RAD51: variants seen among roughly 807,000 people sequenced by gnomAD.
The protein encoded by RAD51 is RAD51 recombinase.
In RAD51, 14 loss-of-function variants were observed where a neutral mutation model predicts 41.5. That is an observed-to-expected ratio of 0.34 (90% CI 0.22 to 0.53). The LOEUF is 0.53. Ranked by LOEUF, RAD51 falls within the 20% of genes least tolerant of loss-of-function variation. The probability of loss-of-function intolerance (pLI) is 0.95; values close to 1 mark genes in which losing one functional copy is unlikely to be tolerated. For missense variants in RAD51, 234 were observed against 422.0 expected, an observed-to-expected ratio of 0.55 and a Z score of 3.90; for synonymous variants, 136 against 148.6, an observed-to-expected ratio of 0.92 and a Z score of 0.62.
chr15:40,730,068 G>T (rs1896790461), intron 9 of RAD51, 94 bp downstream of exon 9: 2 of 1,513,322 alleles, frequency 1.3e-6, no homozygotes, highest in Non-Finnish European at 1.8e-6. Flanking sequence ...CCCTGTTAAA[G>T]CTACTGTTGT....
At chr15:40,701,025 C>T (rs746709152) in intron 2 of RAD51, 39 bp from the exon 3 acceptor site, 1 of 1,589,328 alleles carries the variant, frequency 6.3e-7, no homozygotes, top group Non-Finnish European at 8.6e-7. Context: ...GATTAGAGAA[C>T]TAAAGCTTAA....
intron 6 of RAD51, among the ~76,000 whole-genome samples, chr15:40,722,583 T>TG (rs1379714389): frequency 6.6e-6 from 1 of 152,084 alleles, no homozygotes; most frequent in East Asian, 1.9e-4. Context: ...GCTCTGGAGA[T>TG]GAATAGTGGT....
At chr15:40,730,191 T>C (rs1298513326) in intron 9 of RAD51, among the ~76,000 whole-genome samples, 2 of 152,154 alleles carry the variant, frequency 1.3e-5, no homozygotes, top group Non-Finnish European at 2.9e-5. Flanking sequence ...ATATGAGTAA[T>C]TGATATGCCT....
intron 6 of RAD51, among the ~76,000 whole-genome samples, chr15:40,726,806 G>A (rs1328432377): frequency 2.6e-5 from 4 of 151,736 alleles, no homozygotes; most frequent in East Asian, 2.0e-4. Flanking sequence ...CCAGCTACTC[G>A]GGAGGCTGAG....
chr15:40,721,137 C>T (rs1024796578), intron 6 of RAD51, among the ~76,000 whole-genome samples: 3 of 152,128 alleles, frequency 2.0e-5, no homozygotes, highest in Non-Finnish European at 4.4e-5. Context: ...GACCTGAGAT[C>T]GCGCCACTGC....
At chr15:40,708,567 C>G (rs1247764972) in intron 4 of RAD51, among the ~76,000 whole-genome samples, 1 of 150,362 alleles carries the variant, frequency 6.7e-6, no homozygotes, top group Non-Finnish European at 1.5e-5. Flanking sequence ...TTTCAAAATA[C>G]TTTTGGTTTA....
At chr15:40,721,176 C>CT (rs1896251531) in intron 6 of RAD51, among the ~76,000 whole-genome samples, 1 of 152,138 alleles carries the variant, frequency 6.6e-6, no homozygotes, top group African/African-American at 2.4e-5. Context: ...AAGCGAGACT[C>CT]TATCTCAAGA....
Position 40,729,094 on chromosome 15 carries a change from C to T in RAD51, c.644+270C>T, listed in dbSNP as rs1246349674. On this transcript the variant is annotated intron_variant, in intron 7 of 9. Transcript: ENST00000267868. ...TTTAATAAAACATCTATATACAGGC[C>T]GGGCGCGGTGGCTCAAGCCTGTAAT... Among the ~76,000 whole-genome samples, 8 of 151,982 alleles carry T rather than the reference C, an allele frequency of 5.3e-5. No homozygotes were observed. In the East Asian group the frequency reaches 5.8e-4, roughly 11 times the overall value.
chr15:40,710,501 C>CAA (rs747933816), intron 5 of RAD51, among the ~76,000 whole-genome samples: 4,836 of 46,600 alleles, frequency 0.1, 328 homozygotes, highest in East Asian at 0.14. Context: ...GACTCTGTCT[C>CAA]AAAAAAAAAA....
intron 6 of RAD51, among the ~76,000 whole-genome samples, chr15:40,722,445 G>A (rs1486948298): frequency 1.3e-5 from 2 of 151,162 alleles, no homozygotes; most frequent in East Asian, 3.9e-4. Context: ...GACAAAAACT[G>A]TATGATTCCA....
intron 6 of RAD51, among the ~76,000 whole-genome samples, chr15:40,727,369 T>G (rs1263789276): frequency 6.6e-6 from 1 of 152,038 alleles, no homozygotes; most frequent in Admixed American, 6.6e-5. Context: ...AGTGCAGTGG[T>G]GCGATCTCGG....
chr15:40,707,706 G>T (rs1034856169), intron 4 of RAD51, among the ~76,000 whole-genome samples: 4 of 151,494 alleles, frequency 2.6e-5, no homozygotes, highest in South Asian at 4.2e-4. Flanking sequence ...GTTTTTTTTT[G>T]TTGTTGTTGG....
At chr15:40,706,136 G>A (rs775329087) in intron 3 of RAD51, 41 bp from the exon 4 acceptor site, 10 of 1,439,370 alleles carry the variant, frequency 6.9e-6, no homozygotes, top group Non-Finnish European at 5.9e-6. Flanking sequence ...CTGTGGTAAG[G>A]AATATTATTT....
chr15:40,725,286 C>G (rs1896525151), intron 6 of RAD51, among the ~76,000 whole-genome samples: 1 of 152,174 alleles, frequency 6.6e-6, no homozygotes. Flanking sequence ...CCCTCCTCGG[C>G]CTCCCAAAGT....
intron 1 of RAD51, among the ~76,000 whole-genome samples, chr15:40,697,566 T>G (rs1328490817): frequency 6.7e-6 from 1 of 148,690 alleles, no homozygotes; most frequent in Admixed American, 6.9e-5. Flanking sequence ...AGATACAAGA[T>G]GATATTTCTT....
At chr15:40,725,886 T>G (rs2141873532) in intron 6 of RAD51, among the ~76,000 whole-genome samples, 1 of 152,150 alleles carries the variant, frequency 6.6e-6, no homozygotes, top group East Asian at 1.9e-4. Context: ...CTCGGGAGGC[T>G]GAGGCAGGAG....
chr15:40,712,881 T>TTC (rs200723181), intron 5 of RAD51, among the ~76,000 whole-genome samples: 2,333 of 142,280 alleles, frequency 0.016, 266 homozygotes, highest in Admixed American at 0.15. Flanking sequence ...TCTTTTCTTT[T>TTC]TTTTTTTTTT....
chr15:40,719,018 T>TGG (rs1896128250), intron 6 of RAD51, 119 bp downstream of exon 6: 1 of 913,686 alleles, frequency 1.1e-6, no homozygotes, highest in African/African-American at 1.6e-5. Context: ...GTTGTATGTG[T>TGG]GGTTCAAAAG....
At chr15:40,728,882 T>C in intron 7 of RAD51, 58 bp downstream of exon 7, 1 of 1,415,698 alleles carries the variant, frequency 7.1e-7, no homozygotes, top group East Asian at 2.3e-5. Flanking sequence ...CTGAATCTTG[T>C]AATGGCTATT....
Sources: gnomAD v4.1 joint callset for allele counts (sites outside exome capture counted in the v4.1 genomes callset) on GRCh38, gnomAD v4.1.1 for gene constraint, MANE v1.5 for transcripts, NCBI Gene and HGNC (gene_info 2026-07-23, HGNC 2026-07-21) for gene names.